RGS22: variants seen among roughly 807,000 people sequenced by gnomAD.
The protein encoded by RGS22 is regulator of G protein signaling 22.
Under a neutral mutation model 172.9 loss-of-function variants are expected in RGS22, and 148 were observed. The observed-to-expected ratio is 0.86, with a 90% CI of 0.75 to 0.98. The LOEUF (loss-of-function observed/expected upper bound fraction) is 0.98, where lower values mean the gene tolerates loss of function less well. Among genes scored for constraint, RGS22 ranks in the 50% least tolerant of loss-of-function variants. The pLI is 0.00. For missense variants in RGS22, 1,347 were observed against 1,440.8 expected, an observed-to-expected ratio of 0.93 and a Z score of 1.05; for synonymous variants, 458 against 480.2, an observed-to-expected ratio of 0.95 and a Z score of 0.60.
Position 100,051,828 on chromosome 8 carries a change from T to A in RGS22, c.1689+974A>T, listed in dbSNP as rs1463685511. ...ATATAAATGTTTATATATATTTATA[T>A]ATAAATGTTTATATATTTATATATT... On this transcript the variant is annotated intron_variant, in intron 10 of 27. Transcript: ENST00000360863. 4.0e-5 allele frequency among the ~76,000 whole-genome samples: 3 copies of A among 74,354 alleles called. 1 individual carries two copies. The highest frequency in any genetic ancestry group is 7.0e-5 in the Non-Finnish European group (3 of 42,718). 48.8% of individuals were successfully genotyped at this position (74,354 alleles called of 152,430 possible).
intron 21 of RGS22, among the ~76,000 whole-genome samples, chr8:99,984,691 C>T (rs1320693203): frequency 6.6e-6 from 1 of 151,992 alleles, no homozygotes; most frequent in African/African-American, 2.4e-5. Flanking sequence ...ACAGGGTAGA[C>T]TGTTTTGATC....
chr8:99,972,760 G>A (rs1197796768), intron 23 of RGS22, among the ~76,000 whole-genome samples: 2 of 152,062 alleles, frequency 1.3e-5, no homozygotes, highest in Admixed American at 1.3e-4. Flanking sequence ...TAAGCTGGGC[G>A]TGGTGGCTCA....
intron 14 of RGS22, among the ~76,000 whole-genome samples, chr8:100,030,883 G>A (rs1176153192): frequency 6.6e-6 from 1 of 152,088 alleles, no homozygotes; most frequent in Non-Finnish European, 1.5e-5. Context: ...CATAAACATT[G>A]ACAGTATTAA....
chr8:100,093,563 G>T, intron 2 of RGS22, 54 bp from the exon 3 acceptor site: 1 of 1,175,096 alleles, frequency 8.5e-7, no homozygotes, highest in Non-Finnish European at 1.2e-6. Flanking sequence ...TTTAAATCAT[G>T]CCTATATTAT....
At chr8:100,075,059 C>T (rs573551959) in intron 4 of RGS22, among the ~76,000 whole-genome samples, 5 of 152,260 alleles carry the variant, frequency 3.3e-5, no homozygotes, top group South Asian at 2.1e-4. Context: ...TGTGAGCCAC[C>T]GCGCCTGGCC....
chr8:100,042,349 A>G (rs900653278), intron 11 of RGS22, among the ~76,000 whole-genome samples: 3 of 152,196 alleles, frequency 2.0e-5, no homozygotes, highest in Admixed American at 2.0e-4. Context: ...GAAGGTAGGT[A>G]TGGAAATCCT....
intron 14 of RGS22, among the ~76,000 whole-genome samples, chr8:100,031,796 A>G (rs1305372270): frequency 6.6e-6 from 1 of 151,896 alleles, no homozygotes; most frequent in Non-Finnish European, 1.5e-5. Context: ...CAAGTATGTA[A>G]TGTCAAAAAA....
At chr8:99,978,188 C>T (rs1189639618) in intron 22 of RGS22, 113 bp from the exon 23 acceptor site, 1 of 553,962 alleles carries the variant, frequency 1.8e-6, no homozygotes, top group East Asian at 3.6e-5. Context: ...ATGTTTGCTC[C>T]AACTTATTGT....
At chr8:100,102,691 G>A (rs1563737185) in intron 2 of RGS22, among the ~76,000 whole-genome samples, 1 of 152,138 alleles carries the variant, frequency 6.6e-6, no homozygotes, top group Non-Finnish European at 1.5e-5. Context: ...GATGGGGAAG[G>A]GCAACTGAGA....
At chr8:100,092,195 AT>A (rs199717781) in intron 3 of RGS22, among the ~76,000 whole-genome samples, 7 of 151,646 alleles carry the variant, frequency 4.6e-5, no homozygotes, top group East Asian at 3.9e-4. Context: ...ATTACTTGTG[AT>A]TTTTTTTTAT....
chr8:100,029,702 C>CAAAAAAAAAAAAAAAAA (rs369058108), intron 14 of RGS22, among the ~76,000 whole-genome samples: 2 of 62,016 alleles, frequency 3.2e-5, no homozygotes, highest in Non-Finnish European at 3.4e-5. Flanking sequence ...AACTCCGTCT[C>CAAAAAAAAAAAAAAAAA]AAAAAAAAAA....
intron 3 of RGS22, among the ~76,000 whole-genome samples, chr8:100,081,535 G>C (rs1359113799): frequency 1.3e-5 from 2 of 151,882 alleles, no homozygotes; most frequent in Non-Finnish European, 2.9e-5. Context: ...AAAATGATAA[G>C]TATTGCTCAA....
intron 6 of RGS22, among the ~76,000 whole-genome samples, chr8:100,069,164 G>A (rs1394183356): frequency 6.6e-6 from 1 of 151,982 alleles, no homozygotes; most frequent in East Asian, 1.9e-4. Context: ...TTCCAACACA[G>A]AAAGCAAAGA....
chr8:100,041,272 T>C (rs1490570871), intron 12 of RGS22, among the ~76,000 whole-genome samples: 1 of 152,154 alleles, frequency 6.6e-6, no homozygotes, highest in African/African-American at 2.4e-5. Context: ...GCGGATTGCC[T>C]GAGGTCAGGA....
intron 2 of RGS22, among the ~76,000 whole-genome samples, chr8:100,098,881 ATTTTATTTTAT>A (rs1813225679): frequency 3.3e-5 from 1 of 30,750 alleles, no homozygotes; most frequent in Non-Finnish European, 6.2e-5. Context: ...ATTTTATTTT[ATTTTATTTTAT>A]TTTATTTTAT....
At chr8:99,996,622 G>T in intron 19 of RGS22, 92 bp from the exon 20 acceptor site, 9 of 1,067,692 alleles carry the variant, frequency 8.4e-6, no homozygotes, top group Non-Finnish European at 1.3e-5. Context: ...TGAGATAAAG[G>T]TTAACTTGGA....
chr8:100,060,084 C>A (rs896786947), intron 9 of RGS22, among the ~76,000 whole-genome samples: 28 of 152,154 alleles, frequency 1.8e-4, no homozygotes, highest in African/African-American at 6.3e-4. Flanking sequence ...AGATAAGTGA[C>A]ACAATCAGAT....
chr8:100,053,053 T>C (rs758577284), intron 9 of RGS22, 77 bp from the exon 10 acceptor site: 2 of 1,290,430 alleles, frequency 1.5e-6, no homozygotes, highest in Non-Finnish European at 2.2e-6. Flanking sequence ...AAATACATAA[T>C]AGCTGTGCTC....
intron 22 of RGS22, among the ~76,000 whole-genome samples, chr8:99,979,323 C>T (rs1015666161): frequency 2.0e-5 from 3 of 152,026 alleles, no homozygotes; most frequent in African/African-American, 7.2e-5. Flanking sequence ...AAGTAAAAGT[C>T]ACCCAATTAA....
Sources: allele counts gnomAD v4.1 joint callset (sites outside exome capture counted in the v4.1 genomes callset), GRCh38; gene constraint gnomAD v4.1.1; transcripts MANE v1.5; gene names NCBI Gene and HGNC (gene_info 2026-07-23, HGNC 2026-07-21).